Variants in RBM47 observed in about 807,000 individuals in gnomAD.
RBM47 encodes the protein RNA binding motif protein 47.
In RBM47, 21 loss-of-function variants were observed where a neutral mutation model predicts 47.1. The observed-to-expected ratio is 0.45, with a 90% CI of 0.32 to 0.64. RBM47 has a LOEUF of 0.64. Ranked by LOEUF, RBM47 falls within the 30% of genes least tolerant of loss-of-function variation. RBM47 has a pLI of 0.05. For synonymous variants in RBM47, 375 were observed against 361.7 expected (o/e 1.04, Z -0.42); for missense variants, 708 against 870.9 (o/e 0.81, Z 2.35).
At chr4:40,467,968 CAA>C (rs1224103809) in intron 2 of RBM47, among the ~76,000 whole-genome samples, 1 of 151,998 alleles carries the variant, frequency 6.6e-6, no homozygotes. Context: ...CTGTCTGAGC[CAA>C]AGTTTACTCC....
chr4:40,443,717 C>CAAAAAAAAAAAAAAA (rs10581870), intron 3 of RBM47, among the ~76,000 whole-genome samples: 1 of 47,746 alleles, frequency 2.1e-5, no homozygotes, highest in Non-Finnish European at 3.7e-5. Flanking sequence ...AACTCCTTCT[C>CAAAAAAAAAAAAAAA]AAAAAAAAAA....
intron 1 of RBM47, among the ~76,000 whole-genome samples, chr4:40,600,361 G>A (rs1735136408): frequency 2.0e-5 from 3 of 152,064 alleles, no homozygotes; most frequent in East Asian, 1.9e-4. Flanking sequence ...GAGGCCGGGC[G>A]CGGTGGCTCA....
intron 1 of RBM47, among the ~76,000 whole-genome samples, chr4:40,589,180 C>T (rs1468635023): frequency 6.6e-6 from 1 of 151,282 alleles, no homozygotes; most frequent in Admixed American, 6.6e-5. Context: ...GTTGGCCAGG[C>T]TGGTCTCGAA....
chr4:40,452,633 C>T (rs1715616048), intron 3 of RBM47, among the ~76,000 whole-genome samples: 1 of 151,906 alleles, frequency 6.6e-6, no homozygotes, highest in African/African-American at 2.4e-5. Context: ...TCCGCCAGGT[C>T]AAATCTACCG....
At chr4:40,488,278 C>T (rs1054258913) in intron 2 of RBM47, among the ~76,000 whole-genome samples, 1 of 131,748 alleles carries the variant, frequency 7.6e-6, no homozygotes, top group Non-Finnish European at 1.5e-5. Flanking sequence ...TGCAGTGAGC[C>T]GAGATTGTAC....
chr4:40,479,966 A>G (rs1245848671), intron 2 of RBM47, among the ~76,000 whole-genome samples: 4 of 144,194 alleles, frequency 2.8e-5, no homozygotes, highest in Non-Finnish European at 4.5e-5. Flanking sequence ...AGGTACTAGT[A>G]TCATCTCCAT....
chr4:40,589,173 G>A (rs926989842), intron 1 of RBM47, among the ~76,000 whole-genome samples: 26 of 151,320 alleles, frequency 1.7e-4, no homozygotes, highest in African/African-American at 6.3e-4. Context: ...TCACCATGTT[G>A]GCCAGGCTGG....
In RBM47 at chr4:40,628,327, G is replaced by A. The variant is rs1430273828; in HGVS notation, c.-240+1069C>T. On this transcript the variant is annotated intron_variant, in intron 1 of 6. Transcript: ENST00000295971. The surrounding 1 kb of genome is among the most constrained non-coding windows in gnomAD (Gnocchi z 4.0). The stretch of plus-strand genomic sequence containing the variant: ...GACTTCAAGTCATTGATCTAACAAA[G>A]ATCATTGTTTAAATTAATAGCAACA... Among the ~76,000 whole-genome samples the A allele has an allele frequency of 1.3e-5, 2 of 152,140 alleles. No individual in the cohort carries two copies. Among genetic ancestry groups the A allele is most frequent in the Admixed American group, 6.5e-5 (1 of 15,270 alleles).
intron 1 of RBM47, among the ~76,000 whole-genome samples, chr4:40,590,137 T>A (rs766196568): frequency 2.0e-5 from 3 of 152,160 alleles, no homozygotes; most frequent in Non-Finnish European, 4.4e-5. Context: ...GGCCAGGTAC[T>A]GAGAAAGTTT....
At chr4:40,531,188 C>A (rs1175918225) in intron 2 of RBM47, among the ~76,000 whole-genome samples, 1 of 151,944 alleles carries the variant, frequency 6.6e-6, no homozygotes, top group Non-Finnish European at 1.5e-5. Flanking sequence ...ATTCCCGATG[C>A]AGATTAAAAA....
intron 1 of RBM47, among the ~76,000 whole-genome samples, chr4:40,557,423 A>G (rs1026617132): frequency 3.3e-5 from 5 of 152,162 alleles, no homozygotes; most frequent in Non-Finnish European, 7.3e-5. Flanking sequence ...CATGAAGCAT[A>G]GCACCTGCCA....
intron 1 of RBM47, among the ~76,000 whole-genome samples, chr4:40,599,237 G>A (rs1357131854): frequency 1.1e-4 from 15 of 131,052 alleles, no homozygotes; most frequent in African/African-American, 3.5e-4. Flanking sequence ...CAGCCTGGGC[G>A]ATAGAACAAG....
At chr4:40,471,150 A>T (rs1281902590) in intron 2 of RBM47, among the ~76,000 whole-genome samples, 1 of 152,200 alleles carries the variant, frequency 6.6e-6, no homozygotes, top group African/African-American at 2.4e-5. Context: ...ACTAAGTTCT[A>T]GTTCTCGCTT....
chr4:40,426,941 G>C (rs901232151), intron 6 of RBM47: 5 of 152,076 alleles, frequency 3.3e-5, no homozygotes, highest in Non-Finnish European at 5.9e-5. Flanking sequence ...CCACACAATT[G>C]ATTTCACAGT....
chr4:40,461,849 C>T (rs1463492905), intron 3 of RBM47, among the ~76,000 whole-genome samples: 3 of 151,466 alleles, frequency 2.0e-5, no homozygotes, highest in Admixed American at 2.0e-4. Flanking sequence ...GTAGGAGAAT[C>T]GCTTGAACCT....
intron 5 of RBM47, among the ~76,000 whole-genome samples, 198 bp downstream of exon 5, chr4:40,436,243 G>A (rs1430698541): frequency 1.3e-5 from 2 of 151,600 alleles, no homozygotes; most frequent in Non-Finnish European, 2.9e-5. Context: ...TTTGAACATA[G>A]TCAAAGCTAC....
chr4:40,601,331 T>C (rs1277367910), intron 1 of RBM47, among the ~76,000 whole-genome samples: 46 of 152,212 alleles, frequency 3.0e-4, no homozygotes, highest in Admixed American at 3.0e-3. Flanking sequence ...GTGCACATGC[T>C]TGTCAGATCA....
chr4:40,576,258 G>GGC (rs1316467970), intron 1 of RBM47, among the ~76,000 whole-genome samples: 4 of 70,960 alleles, frequency 5.6e-5, no homozygotes, highest in Admixed American at 1.4e-4. Context: ...TTTTTTTTTG[G>GGC]GGGGGGGCGG....
At chr4:40,612,442 G>A (rs1337003744) in intron 1 of RBM47, among the ~76,000 whole-genome samples, 1 of 152,206 alleles carries the variant, frequency 6.6e-6, no homozygotes, top group Non-Finnish European at 1.5e-5. Flanking sequence ...AACCCAGGAG[G>A]CGGAGGTTGC....
Sources: allele counts gnomAD v4.1 joint callset (sites outside exome capture counted in the v4.1 genomes callset), GRCh38; gene constraint gnomAD v4.1.1; non-coding constraint Gnocchi (gnomAD v3.1); transcripts MANE v1.5; gene names NCBI Gene and HGNC (gene_info 2026-07-23, HGNC 2026-07-21).